SAMD12: variants seen among roughly 807,000 people sequenced by gnomAD.
SAMD12 encodes the protein sterile alpha motif domain containing 12.
SAMD12 carries 9 observed loss-of-function variants against 15.0 expected under a neutral mutation model. The observed-to-expected ratio is 0.60, with a 90% CI of 0.36 to 1.05. The LOEUF (loss-of-function observed/expected upper bound fraction) is 1.05, where lower values mean the gene tolerates loss of function less well. Ranked by LOEUF, SAMD12 falls within the 50% of genes least tolerant of loss-of-function variation. SAMD12 has a pLI of 0.01. For missense variants in SAMD12, 230 were observed against 234.2 expected, an observed-to-expected ratio of 0.98 and a Z score of 0.12; for synonymous variants, 86 against 90.1, an observed-to-expected ratio of 0.96 and a Z score of 0.25.
rs565843560 is a variant in SAMD12, at chr8:118,268,541, G to A, written c.434-70809C>T. Among the ~76,000 whole-genome samples, 7 of 152,230 alleles carry A rather than the reference G, an allele frequency of 4.6e-5. No individual in the cohort carries two copies. The East Asian group carries it at 9.7e-4, about 21-fold the overall frequency. On this transcript the variant is annotated intron_variant, in intron 4 of 4. Transcript: ENST00000409003. ...CATGTTCCATAATTCAGGGCCTGGC[G>A]TGGTGGCTCACATCTGTAATCCCAG...
chr8:118,297,152 T>C (rs1281974493), intron 4 of SAMD12, among the ~76,000 whole-genome samples: 1 of 152,196 alleles, frequency 6.6e-6, no homozygotes, highest in Non-Finnish European at 1.5e-5. Flanking sequence ...TATGGATGTA[T>C]TCAAATGACT....
At chr8:118,192,931 C>T (rs766299630) in exon 5 of SAMD12, 11 of 152,130 alleles carry the variant, frequency 7.2e-5, no homozygotes, top group Admixed American at 2.6e-4. Flanking sequence ...AATAGCCTTA[C>T]GTGGCAAATT....
intron 4 of SAMD12, among the ~76,000 whole-genome samples, chr8:118,209,570 T>C (rs748494457): frequency 1.3e-5 from 2 of 152,218 alleles, no homozygotes; most frequent in African/African-American, 2.4e-5. Context: ...TCAAACCTGC[T>C]TGGGGACCCT....
chr8:118,544,772 C>T (rs1826078063), intron 2 of SAMD12, among the ~76,000 whole-genome samples: 1 of 152,212 alleles, frequency 6.6e-6, no homozygotes, highest in South Asian at 2.1e-4. Flanking sequence ...CACCACACCA[C>T]TATTTCTTCA....
chr8:118,158,638 C>G, the SAMD12 span, among the ~76,000 whole-genome samples: 1 of 152,190 alleles, frequency 6.6e-6, no homozygotes, highest in Non-Finnish European at 1.5e-5. Flanking sequence ...TAGTCTGAAG[C>G]CTGGGGGCTG....
chr8:118,468,948 A>G (rs1823678620), intron 2 of SAMD12, among the ~76,000 whole-genome samples: 1 of 152,174 alleles, frequency 6.6e-6, no homozygotes, highest in African/African-American at 2.4e-5. Flanking sequence ...CTGCTTCATC[A>G]TATCATATAG....
chr8:118,488,011 A>G (rs1824335769), intron 2 of SAMD12, among the ~76,000 whole-genome samples: 1 of 152,180 alleles, frequency 6.6e-6, no homozygotes, highest in Admixed American at 6.5e-5. Flanking sequence ...GTGAATCTAA[A>G]TGAAAGTATG....
At chr8:118,381,195 C>T (rs375854356) in intron 3 of SAMD12, among the ~76,000 whole-genome samples, 1 of 152,160 alleles carries the variant, frequency 6.6e-6, no homozygotes, top group African/African-American at 2.4e-5. Flanking sequence ...GGGCCAATGC[C>T]TGGAGAGGAA....
Position 118,550,563 on chromosome 8 carries a change from G to A in SAMD12, c.192+30152C>T, listed in dbSNP as rs1005489946. Among the ~76,000 whole-genome samples, 1,106 of 152,214 alleles carry A rather than the reference G, an allele frequency of 7.3e-3. 5 individuals carry two copies. The highest frequency in any genetic ancestry group is 0.018 in the African/African-American group (728 of 41,520). On this transcript the variant is annotated intron_variant, in intron 2 of 3. Transcript: ENST00000314727. ...TGGAAAGGAACAACCGGTACCAGCC[G>A]CTGCAAAATCATGCCAAAATGTAAA...
At chr8:118,459,146 A>T (rs1004900666) in intron 2 of SAMD12, among the ~76,000 whole-genome samples, 4 of 151,848 alleles carry the variant, frequency 2.6e-5, no homozygotes, top group African/African-American at 9.7e-5. Context: ...GCTCACTACA[A>T]CCTCCGCCTC....
intron 1 of SAMD12, among the ~76,000 whole-genome samples, chr8:118,610,198 G>T (rs1272740072): frequency 6.6e-6 from 1 of 152,152 alleles, no homozygotes; most frequent in Non-Finnish European, 1.5e-5. Flanking sequence ...GAATGCAAAA[G>T]TGTAGAAAGC....
downstream of SAMD12, among the ~76,000 whole-genome samples, chr8:118,376,516 G>A (rs935270707): frequency 6.6e-6 from 1 of 152,086 alleles, no homozygotes; most frequent in Non-Finnish European, 1.5e-5. Flanking sequence ...CCCTGATCTT[G>A]GACTTCTCAG....
At chr8:118,612,751 C>T (rs969305549) in intron 1 of SAMD12, among the ~76,000 whole-genome samples, 1 of 152,208 alleles carries the variant, frequency 6.6e-6, no homozygotes, top group Non-Finnish European at 1.5e-5. Flanking sequence ...GTTCGCACAA[C>T]CTGTAAGCAA....
chr8:118,587,289 T>C (rs1231635902), intron 1 of SAMD12, among the ~76,000 whole-genome samples: 1 of 152,256 alleles, frequency 6.6e-6, no homozygotes, highest in Non-Finnish European at 1.5e-5. Context: ...TTTAATTCAT[T>C]ATATTAATTA....
chr8:118,490,621 A>G (rs922979627), intron 2 of SAMD12, among the ~76,000 whole-genome samples: 4 of 152,146 alleles, frequency 2.6e-5, no homozygotes, highest in Non-Finnish European at 5.9e-5. Flanking sequence ...CTCACATCTC[A>G]GGAATACCAC....
At chr8:118,575,159 C>G (rs1213306782) in intron 2 of SAMD12, among the ~76,000 whole-genome samples, 1 of 152,184 alleles carries the variant, frequency 6.6e-6, no homozygotes, top group African/African-American at 2.4e-5. Flanking sequence ...GCCTCCAGCA[C>G]CAAGTTCCAG....
At chr8:118,315,401 C>T (rs1400913559) in intron 4 of SAMD12, among the ~76,000 whole-genome samples, 1 of 152,118 alleles carries the variant, frequency 6.6e-6, no homozygotes, top group East Asian at 1.9e-4. Flanking sequence ...ATAGCTTCCC[C>T]CAGATCTCCT....
chr8:118,144,259 A>G, the SAMD12 span, among the ~76,000 whole-genome samples: 1 of 152,200 alleles, frequency 6.6e-6, no homozygotes, highest in African/African-American at 2.4e-5. Flanking sequence ...ACTTTTCCCA[A>G]ATAAAATCAC....
At chr8:118,433,863 T>C (rs7831361) in intron 3 of SAMD12, among the ~76,000 whole-genome samples, 88,664 of 152,066 alleles carry the variant, frequency 0.58, 26,799 homozygotes, top group Admixed American at 0.66. Flanking sequence ...TTAAATACGT[T>C]TACATTTTGT....
Sources: gnomAD v4.1 joint callset for allele counts (sites outside exome capture counted in the v4.1 genomes callset) on GRCh38, gnomAD v4.1.1 for gene constraint, MANE v1.5 for transcripts, NCBI Gene and HGNC (gene_info 2026-07-23, HGNC 2026-07-21) for gene names.